PPARG: variants seen among roughly 807,000 people sequenced by gnomAD.
PPARG encodes the protein peroxisome proliferator activated receptor gamma.
A neutral mutation model predicts 39.2 loss-of-function variants in PPARG; 17 were observed. The observed-to-expected ratio is 0.43, with a 90% CI of 0.30 to 0.65. PPARG has a LOEUF of 0.65. Among genes scored for constraint, PPARG ranks in the 30% least tolerant of loss-of-function variants. The pLI is 0.13. For missense variants in PPARG, 406 were observed against 585.9 expected (o/e 0.69, Z 3.17); for synonymous variants, 223 against 215.7 (o/e 1.03, Z -0.30).
chr3:12,289,656 G>T (rs2046599719), intron 1 of PPARG, among the ~76,000 whole-genome samples: 1 of 152,150 alleles, frequency 6.6e-6, no homozygotes, highest in Non-Finnish European at 1.5e-5. Context: ...CTAAGTGATC[G>T]ATTGCTGACT....
chr3:12,327,492 GA>G (rs1214950968), intron 2 of PPARG, among the ~76,000 whole-genome samples: 1 of 152,156 alleles, frequency 6.6e-6, no homozygotes, highest in African/African-American at 2.4e-5. Flanking sequence ...AGCACCCTGA[GA>G]AAAACTAGAG....
intron 1 of PPARG, among the ~76,000 whole-genome samples, chr3:12,300,157 C>T (rs531081140): frequency 1.3e-5 from 2 of 152,222 alleles, no homozygotes; most frequent in Admixed American, 1.3e-4. Context: ...TACAGTGTAA[C>T]TCAATACAGA....
upstream of PPARG, chr3:12,287,849 C>T (rs1274706735): frequency 2.9e-5 from 4 of 136,678 alleles, no homozygotes; most frequent in East Asian, 2.2e-4. Context: ...CACCCCCAGC[C>T]GGCGCCCGCG....
intron 5 of PPARG, among the ~76,000 whole-genome samples, chr3:12,402,571 A>T (rs1373211437): frequency 6.6e-6 from 1 of 152,216 alleles, no homozygotes; most frequent in Non-Finnish European, 1.5e-5. Context: ...GTATAGTAAC[A>T]GTTTAATACA....
chr3:12,340,357 T>C (rs188713360), intron 2 of PPARG, among the ~76,000 whole-genome samples: 1 of 152,330 alleles, frequency 6.6e-6, no homozygotes, highest in East Asian at 1.9e-4. Context: ...TTCATCTGAC[T>C]GTGTGCAATA....
At chr3:12,352,499 G>T (rs1452162815) in intron 2 of PPARG, among the ~76,000 whole-genome samples, 1 of 151,934 alleles carries the variant, frequency 6.6e-6, no homozygotes, top group Admixed American at 6.6e-5. Context: ...AGCCTTTTCT[G>T]TTTTGTATTG....
intron 4 of PPARG, among the ~76,000 whole-genome samples, chr3:12,387,490 CAT>C (rs1389493135): frequency 1.3e-5 from 2 of 152,140 alleles, no homozygotes; most frequent in Admixed American, 6.5e-5. Context: ...AGCATTTTTT[CAT>C]ATGTCTGTTG....
intron 2 of PPARG, among the ~76,000 whole-genome samples, chr3:12,313,554 C>T (rs933427131): frequency 6.6e-6 from 1 of 152,086 alleles, no homozygotes; most frequent in Non-Finnish European, 1.5e-5. Flanking sequence ...CAAAAAAATT[C>T]AAAATCCGAG....
chr3:12,340,947 G>A (rs1170211566), intron 2 of PPARG, among the ~76,000 whole-genome samples: 1 of 152,206 alleles, frequency 6.6e-6, no homozygotes, highest in Non-Finnish European at 1.5e-5. Context: ...CACTTTGGGA[G>A]GCCAAGGCGG....
At chr3:12,371,880 T>C (rs1196096376) in intron 2 of PPARG, 3 of 700,878 alleles carry the variant, frequency 4.3e-6, no homozygotes, top group Admixed American at 2.0e-5. Flanking sequence ...TCTCTGGATG[T>C]CGCTGTCATG....
intron 4 of PPARG, among the ~76,000 whole-genome samples, chr3:12,384,381 G>A (rs1260458040): frequency 6.6e-6 from 1 of 152,094 alleles, no homozygotes; most frequent in Non-Finnish European, 1.5e-5. Context: ...ATATAGAACA[G>A]CAGTTAGGAA....
At chr3:12,309,663 G>A (rs1340072419) in intron 1 of PPARG, among the ~76,000 whole-genome samples, 4 of 152,314 alleles carry the variant, frequency 2.6e-5, no homozygotes, top group African/African-American at 4.8e-5. Context: ...TTTGGAGGAA[G>A]TAATTCTTTG....
chr3:12,354,751 C>T (rs1356946027), intron 2 of PPARG, among the ~76,000 whole-genome samples: 1 of 38,840 alleles, frequency 2.6e-5, no homozygotes, highest in Admixed American at 2.9e-4. Flanking sequence ...GAGACTCCAT[C>T]TCAAAAAAAA....
At chr3:12,334,385 C>T (rs1180770539) in intron 2 of PPARG, among the ~76,000 whole-genome samples, 1 of 152,052 alleles carries the variant, frequency 6.6e-6, no homozygotes, top group Non-Finnish European at 1.5e-5. Context: ...TGCCCACCAC[C>T]ATGCCCAACC....
At chr3:12,303,944 CT>C (rs1428182283) in intron 1 of PPARG, among the ~76,000 whole-genome samples, 1 of 152,218 alleles carries the variant, frequency 6.6e-6, no homozygotes, top group African/African-American at 2.4e-5. Flanking sequence ...TACTAAGTTT[CT>C]GTCTGTTTCT....
intron 2 of PPARG, among the ~76,000 whole-genome samples, chr3:12,337,795 TA>T (rs1249812968): frequency 6.6e-6 from 1 of 152,106 alleles, no homozygotes. Context: ...ATACAATAAT[TA>T]AAAATAGAAA....
At chr3:12,339,264 TAG>T (rs1290016487) in intron 2 of PPARG, among the ~76,000 whole-genome samples, 1 of 152,152 alleles carries the variant, frequency 6.6e-6, no homozygotes, top group Admixed American at 6.5e-5. Context: ...AGCAAATCTA[TAG>T]AGGCAGAAAA....
intron 5 of PPARG, 152 bp downstream of exon 5, chr3:12,392,904 G>T: frequency 9.4e-7 from 1 of 1,066,252 alleles, no homozygotes. Flanking sequence ...TCTCTTTTAG[G>T]TCAGTGTTTT....
chr3:12,406,069 A>G lies in PPARG; in HGVS notation c.717A>G (p.Thr239=), dbSNP rs2050653933. 5.0e-6 allele frequency: 8 copies of G among 1,614,120 alleles called. No homozygotes were observed. The highest frequency in any genetic ancestry group is 6.8e-6 in the Non-Finnish European group (8 of 1,179,996). The change falls in exon 6 of 8, where the codon ACA becomes ACG. Residue 239 remains threonine (T), a synonymous_variant. Coordinates refer to ENST00000651735, the MANE Select transcript of PPARG (RefSeq NM_138711.6). ...AKARAILTGK[T]TDKSPFVIYD... ...CGAGGGCGATCTTGACAGGAAAGAC[A>G]ACAGACAAATCAGTTAGTTCTCTTC...
Sources: allele counts gnomAD v4.1 joint callset (sites outside exome capture counted in the v4.1 genomes callset), GRCh38; gene constraint gnomAD v4.1.1; transcripts MANE v1.5; gene names NCBI Gene and HGNC (gene_info 2026-07-23, HGNC 2026-07-21).